The following XYLB variants were observed in gnomAD, a reference collection of about 807,000 sequenced individuals.
XYLB encodes xylulokinase.
XYLB carries 62 observed loss-of-function variants against 78.7 expected under a neutral mutation model. The ratio of observed to expected loss-of-function variants is 0.79; its 90% CI spans 0.64 to 0.97. XYLB has a LOEUF of 0.97. Among genes scored for constraint, XYLB ranks in the 50% least tolerant of loss-of-function variants. XYLB has a pLI of 0.00. For missense variants in XYLB, 687 were observed against 676.8 expected, an observed-to-expected ratio of 1.02 and a Z score of -0.17; for synonymous variants, 245 against 247.4, an observed-to-expected ratio of 0.99 and a Z score of 0.09.
intron 18 of XYLB, among the ~76,000 whole-genome samples, chr3:38,412,677 T>C (rs999475143): frequency 3.3e-5 from 5 of 152,208 alleles, no homozygotes; most frequent in Admixed American, 6.5e-5. Flanking sequence ...CTAGGTACTC[T>C]CACCAGAATT....
At chr3:38,374,735 C>T (rs559851591) in intron 11 of XYLB, among the ~76,000 whole-genome samples, 2 of 152,110 alleles carry the variant, frequency 1.3e-5, no homozygotes, top group Non-Finnish European at 2.9e-5. Flanking sequence ...ATGGGCAGGA[C>T]CCCTGCCTGC....
chr3:38,402,495 T>C (rs1427164004), intron 18 of XYLB, among the ~76,000 whole-genome samples: 5 of 152,208 alleles, frequency 3.3e-5, no homozygotes, highest in African/African-American at 1.2e-4. Flanking sequence ...ATTTTTCTGT[T>C]TGTGAGAGGC....
At chr3:38,389,031 AG>A (rs1204255508) in intron 15 of XYLB, among the ~76,000 whole-genome samples, 94 of 149,390 alleles carry the variant, frequency 6.3e-4, no homozygotes, top group Non-Finnish European at 1.2e-3. Context: ...AGTGGAGGGA[AG>A]GTCAGCAGAT....
At chr3:38,434,370 G>A in the XYLB span, among the ~76,000 whole-genome samples, 4 of 152,264 alleles carry the variant, frequency 2.6e-5, no homozygotes, top group African/African-American at 7.2e-5. Flanking sequence ...GACTAACAGT[G>A]GATTTCTCAG....
At position 38,362,993 on chromosome 3, in the gene XYLB, C is replaced by T. The variant is rs962420781; in HGVS notation, c.267C>T (p.Val89=). The change falls in exon 4 of 19, where the codon GTC becomes GTT. Residue 89 remains valine (V), a synonymous_variant. Transcript: ENST00000207870. ...CTTCGGGCTTCGACTTCTCTCAAGTCCTAGCCTTGTCCGGGGCGGGCCAGG... is the reference window on the plus strand; with the variant it reads ...CTTCGGGCTTCGACTTCTCTCAAGTTCTAGCCTTGTCCGGGGCGGGCCAGG... ...MKASGFDFSQ[V]LALSGAGQQH... is the part of the protein sequence containing the mutation. 17 of 1,573,040 alleles carry T rather than the reference C, an allele frequency of 1.1e-5. No homozygotes were observed. Among genetic ancestry groups the T allele is most frequent in the East Asian group, 2.4e-5 (1 of 42,306 alleles).
downstream of XYLB, among the ~76,000 whole-genome samples, chr3:38,417,403 A>G (rs1052733602): frequency 6.6e-6 from 1 of 152,196 alleles, no homozygotes; most frequent in Non-Finnish European, 1.5e-5. Flanking sequence ...ATTGGGAGCT[A>G]TCTCAAAAAT....
the XYLB span, among the ~76,000 whole-genome samples, chr3:38,432,913 T>TAC: frequency 6.6e-6 from 1 of 152,130 alleles, no homozygotes; most frequent in Non-Finnish European, 1.5e-5. Context: ...CACTCTGGGG[T>TAC]CTGGAGGATG....
the XYLB span, among the ~76,000 whole-genome samples, chr3:38,438,969 G>A: frequency 6.6e-6 from 1 of 152,066 alleles, no homozygotes; most frequent in African/African-American, 2.4e-5. Flanking sequence ...CCTCTAGGTA[G>A]CCACAGAGCA....
rs1181545501 is a variant in XYLB, at chr3:38,384,056, CTTTGT to C, written c.1291+4733_1291+4737del. Among the ~76,000 whole-genome samples the C allele has an allele frequency of 5.3e-5, 8 of 151,894 alleles. No individual in the cohort carries two copies. The East Asian group carries it at 1.2e-3, about 22-fold the overall frequency. On this transcript the variant is annotated intron_variant, in intron 15 of 18. Transcript: ENST00000207870. The stretch of plus-strand genomic sequence containing the variant: ...CTTGTTTTTTTTGTTTGTTTGTTTT[CTTTGT>C]TTTGTTTTGTTTTGTTTTTCTGGAG...
At chr3:38,407,929 A>G (rs1267064384) in intron 18 of XYLB, among the ~76,000 whole-genome samples, 1 of 152,028 alleles carries the variant, frequency 6.6e-6, no homozygotes, top group Non-Finnish European at 1.5e-5. Context: ...CCACACAATA[A>G]TAATGGGAGA....
downstream of XYLB, among the ~76,000 whole-genome samples, chr3:38,424,575 T>C (rs956755295): frequency 6.6e-6 from 1 of 152,324 alleles, no homozygotes; most frequent in East Asian, 1.9e-4. Flanking sequence ...GGTCTAGTAA[T>C]GGTGAAGCTT....
At position 38,412,970 on chromosome 3, in the gene XYLB, T is replaced by G; in HGVS notation, c.1568T>G (p.Leu523Arg). 6.2e-7 allele frequency: 1 copy of G among 1,605,756 alleles called. No individual in the cohort carries two copies. The highest frequency in any genetic ancestry group is 1.3e-5 in the African/African-American group (1 of 74,386). ...YEALLPQYAK[L>R]EQRILSQTRG... is the part of the protein sequence containing the mutation. ...GCCCTTCTCCCCCAGTATGCCAAAC[T>G]CGAGCAGAGAATCTTGTCTCAGACC... is the stretch of plus-strand genomic sequence containing the variant. The change falls in exon 19 of 19, where the codon CTC becomes CGC. Residue 523 changes from leucine to arginine, a missense_variant. Leu to Arg is a moderately radical substitution (Grantham distance 102). Transcript: ENST00000207870.
chr3:38,420,528 A>C (rs1466546036), exon 18 of XYLB, among the ~76,000 whole-genome samples: 1 of 152,224 alleles, frequency 6.6e-6, no homozygotes, highest in Non-Finnish European at 1.5e-5. Context: ...AATGTTTTGC[A>C]TGTATGTGTT....
chr3:38,420,022 G>T (rs1708927237), exon 18 of XYLB, among the ~76,000 whole-genome samples: 1 of 152,024 alleles, frequency 6.6e-6, no homozygotes, highest in Non-Finnish European at 1.5e-5. Flanking sequence ...ATTTCACCAT[G>T]TTGGCCAGGA....
At chr3:38,449,630 C>G in the XYLB span, among the ~76,000 whole-genome samples, 1 of 152,234 alleles carries the variant, frequency 6.6e-6, no homozygotes, top group African/African-American at 2.4e-5. Flanking sequence ...CATCATCTTC[C>G]CAGTCTGGTA....
intron 1 of XYLB, 70 bp from the exon 2 acceptor site, chr3:38,348,480 G>A (rs1313896851): frequency 6.7e-6 from 10 of 1,495,248 alleles, no homozygotes; most frequent in Admixed American, 1.7e-5. Flanking sequence ...ATCTGGTGAC[G>A]TTAGTACCCC....
intron 15 of XYLB, among the ~76,000 whole-genome samples, chr3:38,389,232 C>T (rs1286343409): frequency 1.4e-5 from 2 of 146,282 alleles, no homozygotes; most frequent in Non-Finnish European, 3.0e-5. Context: ...GTGGACACAG[C>T]ACATGTTTCA....
At chr3:38,421,018 C>T (rs929316441), downstream of XYLB, among the ~76,000 whole-genome samples, 1 of 152,256 alleles carries the variant, frequency 6.6e-6, no homozygotes, top group African/African-American at 2.4e-5. Flanking sequence ...TGTTTCTCTG[C>T]TCCTCGCTGA....
chr3:38,368,094 A>AT (rs1706356466), intron 7 of XYLB, 91 bp from the exon 8 acceptor site: 152 of 1,280,418 alleles, frequency 1.2e-4, no homozygotes, highest in Middle Eastern at 1.9e-4. Flanking sequence ...TCCCTCTCCA[A>AT]TTTTTTTTCA....
Sources: gnomAD v4.1 joint callset for allele counts (sites outside exome capture counted in the v4.1 genomes callset) on GRCh38, gnomAD v4.1.1 for gene constraint, MANE v1.5 for transcripts, NCBI Gene and HGNC (gene_info 2026-07-23, HGNC 2026-07-21) for gene names.